Variants in CACNG4 observed in about 807,000 individuals in gnomAD.
CACNG4 encodes the protein calcium voltage-gated channel auxiliary subunit gamma 4, also known as voltage-dependent calcium channel gamma-4 subunit.
CACNG4 carries 8 observed loss-of-function variants against 22.9 expected under a neutral mutation model. The ratio of observed to expected loss-of-function variants is 0.35; its 90% CI spans 0.21 to 0.63. The LOEUF (loss-of-function observed/expected upper bound fraction) is 0.63. CACNG4 is among the 30% of genes least tolerant of loss of function. The pLI is 0.72. For missense variants in CACNG4, 357 were observed against 455.4 expected, an observed-to-expected ratio of 0.78 and a Z score of 1.97; for synonymous variants, 188 against 191.9, an observed-to-expected ratio of 0.98 and a Z score of 0.17.
intron 1 of CACNG4, among the ~76,000 whole-genome samples, chr17:66,986,969 G>A (rs1188323227): frequency 6.6e-6 from 1 of 152,202 alleles, no homozygotes; most frequent in East Asian, 1.9e-4. Flanking sequence ...GGTGTGGGGA[G>A]GGGACACAGT....
At chr17:67,025,700 A>C (rs1021014736) in intron 3 of CACNG4, among the ~76,000 whole-genome samples, 12 of 152,238 alleles carry the variant, frequency 7.9e-5, no homozygotes, top group African/African-American at 2.9e-4. Flanking sequence ...GTGACATGCC[A>C]CCTTGGCTGA....
intron 1 of CACNG4, among the ~76,000 whole-genome samples, chr17:66,974,476 A>T (rs919513004): frequency 1.3e-5 from 2 of 152,210 alleles, no homozygotes; most frequent in Non-Finnish European, 2.9e-5. Flanking sequence ...GTTTCCAGGC[A>T]GCTGTGTAGC....
intron 1 of CACNG4, among the ~76,000 whole-genome samples, chr17:67,016,598 G>C (rs1598121130): frequency 1.3e-5 from 2 of 152,314 alleles, no homozygotes; most frequent in East Asian, 3.9e-4. Flanking sequence ...GACTGACTGA[G>C]GCAACAGGGG....
chr17:66,999,224 G>A (rs1447156118), intron 1 of CACNG4, among the ~76,000 whole-genome samples: 2 of 152,164 alleles, frequency 1.3e-5, no homozygotes, highest in African/African-American at 2.4e-5. Context: ...ATAGAACGGC[G>A]ATGACCTCAA....
intron 1 of CACNG4, among the ~76,000 whole-genome samples, chr17:67,014,252 G>A (rs2035484135): frequency 6.6e-6 from 1 of 152,212 alleles, no homozygotes; most frequent in Non-Finnish European, 1.5e-5. Flanking sequence ...CACATGTGAA[G>A]TGGATTGAAA....
At chr17:66,998,464 A>G (rs988895694) in intron 1 of CACNG4, among the ~76,000 whole-genome samples, 2 of 152,158 alleles carry the variant, frequency 1.3e-5, no homozygotes, top group African/African-American at 4.8e-5. Flanking sequence ...TCAACCTCCC[A>G]AAGTGCTGGA....
intron 1 of CACNG4, among the ~76,000 whole-genome samples, chr17:66,969,957 G>T (rs8074159): frequency 0.043 from 6,474 of 152,222 alleles, 447 homozygotes; most frequent in African/African-American, 0.15. Flanking sequence ...GAGTGACAGC[G>T]TCAGAACAGG....
intron 1 of CACNG4, among the ~76,000 whole-genome samples, chr17:66,985,264 T>A (rs2035298601): frequency 6.6e-6 from 1 of 152,236 alleles, no homozygotes; most frequent in African/African-American, 2.4e-5. Flanking sequence ...TCCTGGGCAC[T>A]CCCAGATTCA....
At chr17:67,025,568 G>A (rs72846279) in intron 3 of CACNG4, among the ~76,000 whole-genome samples, 4,196 of 148,164 alleles carry the variant, frequency 0.028, 89 homozygotes, top group Non-Finnish European at 0.045. Flanking sequence ...CAGAGCAGGC[G>A]GCCCCCGCCC....
Position 67,031,677 on chromosome 17 carries a change from A to T in CACNG4, c.*673A>T, listed in dbSNP as rs1304221457. 1.3e-5 allele frequency: 6 copies of T among 456,602 alleles called. No individual in the cohort carries two copies. The highest frequency in any genetic ancestry group is 2.2e-5 in the Non-Finnish European group (5 of 226,972). 28.3% of individuals were successfully genotyped at this position (456,602 alleles called of 1,614,324 possible). A position where few individuals can be genotyped will look rare whatever the true frequency, so the allele number is the denominator to read the frequency against. On this transcript the variant is annotated 3_prime_UTR_variant, in exon 4 of 4. Transcript: ENST00000262138. This position sits in a 1 kb window ranked among gnomAD's most constrained non-coding sequence, Gnocchi z 4.0. ...CGTGGCCTGTGGAGGAGGCCCAGGT[A>T]AAGGCTGGGGGCTGTTGCTGGCTAT... is the stretch of plus-strand genomic sequence containing the variant.
chr17:66,976,774 T>G (rs1206047527), intron 1 of CACNG4, among the ~76,000 whole-genome samples: 1 of 152,118 alleles, frequency 6.6e-6, no homozygotes, highest in Admixed American at 6.5e-5. Context: ...GACTTCAGGC[T>G]CCTTTTCTTG....
At chr17:67,002,205 G>A (rs995483598) in intron 1 of CACNG4, among the ~76,000 whole-genome samples, 2 of 152,216 alleles carry the variant, frequency 1.3e-5, no homozygotes, top group African/African-American at 4.8e-5. Flanking sequence ...TTACATGGCA[G>A]CAGGCAAGAG....
At position 67,031,949 on chromosome 17, in the gene CACNG4, A is replaced by G. The variant is rs1356933646; in HGVS notation, c.*945A>G. The G allele has an allele frequency of 4.4e-6, 2 of 456,642 alleles. No individual in the cohort carries two copies. Among genetic ancestry groups the G allele is most frequent in the African/African-American group, 4.0e-5 (2 of 50,086 alleles). 28.3% of individuals were successfully genotyped at this position (456,642 alleles called of 1,614,324 possible). On this transcript the variant is annotated 3_prime_UTR_variant, in exon 4 of 4. Transcript: ENST00000262138. This position sits in a 1 kb window ranked among gnomAD's most constrained non-coding sequence, Gnocchi z 4.0. ...CAGGAGCCTGGACTTCTGTGCAAGA[A>G]AGGGAGACCTAAGGGTGAACAGTGG...
In CACNG4 at chr17:67,030,450, C is replaced by T; in HGVS notation, c.446-16C>T. 5 of 1,610,030 alleles carry T rather than the reference C, an allele frequency of 3.1e-6. No homozygotes were observed. The highest frequency in any genetic ancestry group is 4.2e-6 in the Non-Finnish European group (5 of 1,176,996). ...CCCTCCCTGGCCCCGCTCCCCGCTC[C>T]CCGCTTCCCTTTCAGGCCTCAGTAA... On this transcript the variant is annotated splice_polypyrimidine_tract_variant and intron_variant, in intron 3 of 3. Coordinates refer to ENST00000262138, the MANE Select transcript of CACNG4 (RefSeq NM_014405.4). This position sits in a 1 kb window ranked among gnomAD's most constrained non-coding sequence, Gnocchi z 6.4.
Position 66,965,506 on chromosome 17 carries a change from G to T in CACNG4, c.220+375G>T, listed in dbSNP as rs1048362834. On this transcript the variant is annotated intron_variant, in intron 1 of 3. Transcript: ENST00000262138. ...CCCAGGGGCCGCGCCGGCACCCCCG[G>T]GGGAGGTGGAGGCTGGCGAGGGGGC... is the stretch of plus-strand genomic sequence containing the variant. Among the ~76,000 whole-genome samples the T allele has an allele frequency of 2.4e-3, 371 of 151,486 alleles. 1 individual carries two copies. Among genetic ancestry groups the T allele is most frequent in the Non-Finnish European group, 4.5e-3 (305 of 67,658 alleles).
intron 1 of CACNG4, among the ~76,000 whole-genome samples, chr17:66,989,087 G>C (rs1166893055): frequency 1.5e-5 from 2 of 137,084 alleles, no homozygotes; most frequent in Admixed American, 1.5e-4. Flanking sequence ...AAAAAGGCAA[G>C]AGAGTTAAAT....
intron 3 of CACNG4, 40 bp downstream of exon 3, chr17:67,025,040 G>C (rs1224769194): frequency 2.0e-6 from 3 of 1,536,198 alleles, no homozygotes; most frequent in East Asian, 2.4e-5. Context: ...CCGGGAGCTG[G>C]GGACACAGGA....
chr17:67,026,351 ATGGTGTGTGTGTATTTGAGGAATG>A (rs1228975283), intron 3 of CACNG4, among the ~76,000 whole-genome samples: 1 of 135,742 alleles, frequency 7.4e-6, no homozygotes, highest in Non-Finnish European at 1.6e-5. Context: ...GTGTGTGAGC[ATGGTGTGTGTGTATTTGAGGAATG>A]TGGTGTGTGT....
chr17:67,019,455 AG>A (rs1262345582), intron 2 of CACNG4, among the ~76,000 whole-genome samples: 1 of 152,186 alleles, frequency 6.6e-6, no homozygotes, highest in Non-Finnish European at 1.5e-5. Context: ...ATGGTTGTGC[AG>A]GTTGCACACT....
Sources: gnomAD v4.1 joint callset for allele counts (sites outside exome capture counted in the v4.1 genomes callset) on GRCh38, gnomAD v4.1.1 for gene constraint, Gnocchi (gnomAD v3.1) non-coding constraint, MANE v1.5 for transcripts, NCBI Gene and HGNC (gene_info 2026-07-23, HGNC 2026-07-21) for gene names.